Variants in IL16 observed in about 807,000 individuals in gnomAD.
The protein encoded by IL16 is interleukin 16, also known as pro-interleukin-16.
A neutral mutation model predicts 110.1 loss-of-function variants in IL16; 67 were observed. That is an observed-to-expected ratio of 0.61 (90% confidence interval 0.50 to 0.75). The LOEUF (loss-of-function observed/expected upper bound fraction) is 0.75, where lower values mean the gene tolerates loss of function less well. Ranked by LOEUF, IL16 falls within the 30% of genes least tolerant of loss-of-function variation. The pLI is 0.00. For synonymous variants in IL16, 689 were observed against 662.9 expected, an observed-to-expected ratio of 1.04 and a Z score of -0.61; for missense variants, 1,545 against 1,655.0, an observed-to-expected ratio of 0.93 and a Z score of 1.15.
At chr15:81,198,349 A>C (rs1475068719) in intron 1 of IL16, among the ~76,000 whole-genome samples, 1 of 152,014 alleles carries the variant, frequency 6.6e-6, no homozygotes, top group South Asian at 2.1e-4. Context: ...GCACAGGACC[A>C]CTCAGCTAGA....
intron 8 of IL16, 22 bp downstream of exon 8, chr15:81,279,796 C>T: frequency 1.9e-6 from 3 of 1,603,846 alleles, no homozygotes; most frequent in Non-Finnish European, 2.6e-6. Context: ...GCAGCTGTGT[C>T]CCGTGCCTGG....
chr15:81,233,766 A>G (rs922073760), intron 2 of IL16, among the ~76,000 whole-genome samples: 1 of 152,126 alleles, frequency 6.6e-6, no homozygotes, highest in Non-Finnish European at 1.5e-5. Flanking sequence ...AGTCAAATAG[A>G]GAAGATATTT....
chr15:81,183,505 G>A (rs1895375841), intron 1 of IL16, among the ~76,000 whole-genome samples: 1 of 152,296 alleles, frequency 6.6e-6, no homozygotes, highest in African/African-American at 2.4e-5. Flanking sequence ...AGGCATCAGG[G>A]CAGAACGTTT....
intron 1 of IL16, chr15:81,183,003 C>T (rs1895366699): frequency 4.6e-6 from 3 of 647,174 alleles, no homozygotes; most frequent in Non-Finnish European, 2.4e-6. Flanking sequence ...GGTTTTGGTC[C>T]CACTGTGTAG....
At chr15:81,209,038 T>C (rs554157398) in intron 1 of IL16, among the ~76,000 whole-genome samples, 1 of 152,302 alleles carries the variant, frequency 6.6e-6, no homozygotes, top group South Asian at 2.1e-4. Context: ...TGATGATGAT[T>C]ATTATTTCTA....
chr15:81,267,352 CTCAGTTAT>C (rs1156894622), intron 4 of IL16, among the ~76,000 whole-genome samples: 1 of 152,132 alleles, frequency 6.6e-6, no homozygotes, highest in Non-Finnish European at 1.5e-5. Flanking sequence ...GAGTGGGAGA[CTCAGTTAT>C]TCCCTCTACT....
chr15:81,288,210 G>A (rs1335733217), intron 10 of IL16, among the ~76,000 whole-genome samples: 1 of 152,122 alleles, frequency 6.6e-6, no homozygotes, highest in Non-Finnish European at 1.5e-5. Context: ...ATAGGGCAGA[G>A]AGAAGAGAGC....
At chr15:81,210,354 T>A (rs1433555138) in intron 1 of IL16, among the ~76,000 whole-genome samples, 2 of 152,240 alleles carry the variant, frequency 1.3e-5, no homozygotes, top group Non-Finnish European at 2.9e-5. Context: ...GGTTCTTTTT[T>A]GATTCCGTAT....
At chr15:81,272,042 G>A (rs1163250463) in intron 5 of IL16, among the ~76,000 whole-genome samples, 1 of 152,218 alleles carries the variant, frequency 6.6e-6, no homozygotes, top group Non-Finnish European at 1.5e-5. Flanking sequence ...ATGCTTGTAC[G>A]TTGGACCCAA....
At chr15:81,210,945 CT>C (rs1280080416) in intron 1 of IL16, among the ~76,000 whole-genome samples, 2 of 152,166 alleles carry the variant, frequency 1.3e-5, no homozygotes, top group Non-Finnish European at 2.9e-5. Flanking sequence ...ATGGTTCCAG[CT>C]TTTTCCCATT....
chr15:81,271,757 C>T (rs1484905290), intron 5 of IL16, among the ~76,000 whole-genome samples: 1 of 152,196 alleles, frequency 6.6e-6, no homozygotes, highest in Non-Finnish European at 1.5e-5. Flanking sequence ...GCCTGTGCTA[C>T]TCCCGGACAC....
chr15:81,199,678 C>T (rs1320884717), intron 1 of IL16, among the ~76,000 whole-genome samples: 2 of 152,166 alleles, frequency 1.3e-5, no homozygotes, highest in Non-Finnish European at 2.9e-5. Flanking sequence ...ACATCCCTTC[C>T]AAAGGTTCAA....
In IL16 at chr15:81,292,558, G is replaced by A. The variant is rs117063814; in HGVS notation, c.1423G>A (p.Val475Ile). The A allele has an allele frequency of 8.2e-5, 131 of 1,606,634 alleles. No individual in the cohort carries two copies. The highest frequency in any genetic ancestry group is 1.0e-4 in the Non-Finnish European group (120 of 1,174,106). The change falls in exon 12 of 19, where the codon GTC (valine) becomes ATC (isoleucine). Residue 475 changes from valine (V) to isoleucine (I), a missense_variant and splice_region_variant. By Grantham distance (29) the Val-to-Ile change is conservative (BLOSUM62 3). Around this residue, in one of 3 missense-constraint regions of IL16, gnomAD observed 1,185 missense variants for 1,238.8 expected, o/e 0.96. Transcript: ENST00000683961. ...KERHQWSLEG[V>I]KRLESSWHGR... is the part of the protein sequence containing the mutation. ...ATTCTCTTGTGCTTCCCACACAGGTGTCAAAAGGCTGGAAAGCAGTTGGCA... is the reference window on the plus strand; with the variant it reads ...ATTCTCTTGTGCTTCCCACACAGGTATCAAAAGGCTGGAAAGCAGTTGGCA...
At chr15:81,270,904 A>G (rs1211646308) in intron 5 of IL16, among the ~76,000 whole-genome samples, 1 of 152,208 alleles carries the variant, frequency 6.6e-6, no homozygotes, top group Non-Finnish European at 1.5e-5. Context: ...CAGGCTTCCC[A>G]CTATCTGGCG....
At chr15:81,282,606 C>T (rs367886603) in intron 8 of IL16, 33 bp from the exon 9 acceptor site, 21 of 1,541,966 alleles carry the variant, frequency 1.4e-5, no homozygotes, top group Admixed American at 3.3e-5. Flanking sequence ...AGCTCAGTCC[C>T]GGTCTCCCCA....
chr15:81,306,838 C>T, intron 18 of IL16: 1 of 448,270 alleles, frequency 2.2e-6, no homozygotes, highest in Admixed American at 3.4e-5. Context: ...AGGCACTGGC[C>T]TGTGGGGCAG....
Position 81,310,994 on chromosome 15 carries a change from C to A in IL16, c.*2196C>A, listed in dbSNP as rs987032355. ...GGAGACACAACAACTCCTAGGGCCA[C>A]TGAAGATATAACTATTGCCCAGGTT... On this transcript the variant is annotated 3_prime_UTR_variant, in exon 19 of 19. Coordinates refer to ENST00000683961, the MANE Select transcript of IL16 (RefSeq NM_172217.5). The A allele has an allele frequency of 1.3e-5, 2 of 152,242 alleles. No individual in the cohort carries two copies. Among genetic ancestry groups the A allele is most frequent in the African/African-American group, 4.8e-5 (2 of 41,452 alleles). 9.4% of individuals were successfully genotyped at this position (152,242 alleles called of 1,614,324 possible).
intron 14 of IL16, 120 bp from the exon 15 acceptor site, chr15:81,301,224 G>A (rs1475034309): frequency 1.3e-6 from 1 of 743,598 alleles, no homozygotes; most frequent in Non-Finnish European, 2.2e-6. Context: ...TAGATTTGTT[G>A]CATCAAATAA....
At chr15:81,190,617 C>T (rs1895484229) in intron 1 of IL16, among the ~76,000 whole-genome samples, 1 of 152,178 alleles carries the variant, frequency 6.6e-6, no homozygotes, top group Admixed American at 6.5e-5. Flanking sequence ...GTGGATGGTA[C>T]TTAGCCTTGT....
Sources: allele counts gnomAD v4.1 joint callset (sites outside exome capture counted in the v4.1 genomes callset), GRCh38; gene constraint gnomAD v4.1.1; regional missense constraint gnomAD v4.1.1; transcripts MANE v1.5; gene names NCBI Gene and HGNC (gene_info 2026-07-23, HGNC 2026-07-21).